Variants in NET1 observed in about 807,000 individuals in gnomAD.
The protein encoded by NET1 is neuroepithelial cell transforming 1, also known as neuroepithelial cell-transforming gene 1 protein.
A neutral mutation model predicts 61.1 loss-of-function variants in NET1; 42 were observed. The ratio of observed to expected loss-of-function variants is 0.69; its 90% confidence interval spans 0.54 to 0.89. The LOEUF (loss-of-function observed/expected upper bound fraction) is 0.89, where lower values mean the gene tolerates loss of function less well. Ranked by LOEUF, NET1 falls within the 40% of genes least tolerant of loss-of-function variation. The pLI is 0.00. For synonymous variants in NET1, 254 were observed against 281.8 expected (o/e 0.90, Z 0.99); for missense variants, 654 against 747.3 (o/e 0.88, Z 1.46).
At chr10:5,430,644 C>T (rs1832333922) in intron 3 of NET1, among the ~76,000 whole-genome samples, 1 of 152,076 alleles carries the variant, frequency 6.6e-6, no homozygotes, top group South Asian at 2.1e-4. Flanking sequence ...GTGTGAGTCA[C>T]CATGCCGGAC....
In NET1 at chr10:5,456,400, T is replaced by C. The variant is rs1250999653; in HGVS notation, c.1384+127T>C. On this transcript the variant is annotated intron_variant, in intron 11 of 11. Coordinates refer to ENST00000355029, the MANE Select transcript of NET1 (RefSeq NM_001047160.3). This position sits in a 1 kb window ranked among gnomAD's most constrained non-coding sequence, Gnocchi z 7.0. ...CCTATACTTGTTACATCCATTGAGT[T>C]GTCCAGGCCTTCCCAGCTCGAACAC... 9.2e-7 allele frequency: 1 copy of C among 1,087,290 alleles called. No homozygotes were observed. The highest frequency in any genetic ancestry group is 1.6e-5 in the African/African-American group (1 of 62,810). 67.4% of individuals were successfully genotyped at this position (1,087,290 alleles called of 1,614,324 possible). A position where few individuals can be genotyped will look rare whatever the true frequency, so the allele number is the denominator to read the frequency against.
At chr10:5,414,221 A>G (rs1344957237) in intron 1 of NET1, among the ~76,000 whole-genome samples, 6 of 152,188 alleles carry the variant, frequency 3.9e-5, no homozygotes, top group Non-Finnish European at 8.8e-5. Context: ...AGATGATGCT[A>G]AAGAGGTAAG....
At position 5,453,696 on chromosome 10, in the gene NET1, A is replaced by G. The variant is rs1832746962; in HGVS notation, c.768+136A>G. ...TAAGGCGTTAAAACTGAACAAATTT[A>G]CAGTGACATAAGAAGTTACAGTCTG... On this transcript the variant is annotated intron_variant, in intron 8 of 11. Transcript: ENST00000355029. The surrounding 1 kb of genome is among the most constrained non-coding windows in gnomAD (Gnocchi z 4.9). 1 of 704,562 alleles carries G rather than the reference A, an allele frequency of 1.4e-6. No individual in the cohort carries two copies. The allele number at this position is 704,562 out of a possible 1,614,324, so 43.6% of individuals were successfully genotyped here.
rs1244734586 is a variant in NET1, at chr10:5,421,893, C to CTT, written c.129-4760_129-4759dup. 6.6e-6 allele frequency among the ~76,000 whole-genome samples: 1 copy of CTT among 152,204 alleles called. No homozygotes were observed. The highest frequency in any genetic ancestry group is 1.5e-5 in the Non-Finnish European group (1 of 68,018). On this transcript the variant is annotated intron_variant, in intron 1 of 11. Transcript: ENST00000355029. This position sits in a 1 kb window ranked among gnomAD's most constrained non-coding sequence, Gnocchi z 4.2. ...TGTGTAGTCTTTCTGCTTCTGCCTT[C>CTT]TTTCACTTACATCAGTATTTCATTT...
rs150671151 is a variant in NET1, at chr10:5,438,771, C to CA, written c.255+9543dup. Among the ~76,000 whole-genome samples the CA allele has an allele frequency of 6.5e-3, 984 of 152,336 alleles. 36 individuals carry two copies. The East Asian group carries it at 0.11, about 16-fold the overall frequency. On this transcript the variant is annotated intron_variant, in intron 3 of 11. Coordinates refer to ENST00000355029, the MANE Select transcript of NET1 (RefSeq NM_001047160.3). ...GTATTATCCTGATAACTAAAGCCAA[C>CA]ACTACAAGAAAAGAAAACTATAGAC...
chr10:5,447,909 C>T lies in NET1; in HGVS notation c.256-3921C>T, dbSNP rs1832642823. 1.3e-5 allele frequency among the ~76,000 whole-genome samples: 2 copies of T among 152,118 alleles called. No individual in the cohort carries two copies. Among genetic ancestry groups the T allele is most frequent in the Non-Finnish European group, 2.9e-5 (2 of 68,030 alleles). On this transcript the variant is annotated intron_variant, in intron 3 of 11. Transcript: ENST00000355029. The surrounding 1 kb of genome is among the most constrained non-coding windows in gnomAD (Gnocchi z 4.1). ...ATCTGTTGGGCCCATAGAAGCTGGC[C>T]TTTGTTTAGTATCAGCATGGGCTGT...
Position 5,438,792 on chromosome 10 carries a change from T to C in NET1, c.255+9563T>C, listed in dbSNP as rs543541181. 2.0e-4 allele frequency among the ~76,000 whole-genome samples: 30 copies of C among 152,308 alleles called. No homozygotes were observed. In the South Asian group the frequency reaches 3.7e-3, roughly 19 times the overall value. On this transcript the variant is annotated intron_variant, in intron 3 of 11. Coordinates refer to ENST00000355029, the MANE Select transcript of NET1 (RefSeq NM_001047160.3). ...CCAACACTACAAGAAAAGAAAACTA[T>C]AGACCAACACCATTTCTCAGCTGCT... is the stretch of plus-strand genomic sequence containing the variant.
intron 2 of NET1, 33 bp from the exon 3 acceptor site, chr10:5,429,137 T>C (rs748275191): frequency 6.8e-7 from 1 of 1,465,782 alleles, no homozygotes; most frequent in South Asian, 1.2e-5. Flanking sequence ...GCATTCCTTT[T>C]ATATGAGAAT....
chr10:5,446,521 A>G lies in NET1; in HGVS notation c.256-5309A>G, dbSNP rs1832611063. ...GCCCAGCTCTCAGTTAACTGAAGTC[A>G]CGTGGTGGTGGACCCCGCCCCCAGG... On this transcript the variant is annotated intron_variant, in intron 3 of 11. Coordinates refer to ENST00000355029, the MANE Select transcript of NET1 (RefSeq NM_001047160.3). This position sits in a 1 kb window ranked among gnomAD's most constrained non-coding sequence, Gnocchi z 5.0. 9.1e-7 allele frequency: 1 copy of G among 1,101,754 alleles called. No individual in the cohort carries two copies. The highest frequency in any genetic ancestry group is 1.1e-6 in the Non-Finnish European group (1 of 902,568). The allele number at this position is 1,101,754 out of a possible 1,614,324, so 68.2% of individuals were successfully genotyped here. A position where few individuals can be genotyped will look rare whatever the true frequency, so the allele number is the denominator to read the frequency against.
chr10:5,456,089 A>G lies in NET1; in HGVS notation c.1200A>G (p.Lys400=), dbSNP rs1363638005. 1.2e-6 allele frequency: 2 copies of G among 1,608,774 alleles called. No individual in the cohort carries two copies. The highest frequency in any genetic ancestry group is 4.5e-5 in the East Asian group (2 of 44,806). The stretch of plus-strand genomic sequence containing the variant: ...GCGTTTGTTTCCCATTTCTCCAGAA[A>G]CTTTACATTTTCCTGTTTCAAGACA... ...HGELRSKSGH[K]LYIFLFQDIL... is the part of the protein sequence containing the mutation. The change falls in exon 11 of 12, where the codon AAA becomes AAG. Residue 400 remains lysine (K), a splice_region_variant and synonymous_variant. Transcript: ENST00000355029. This position sits in a 1 kb window ranked among gnomAD's most constrained non-coding sequence, Gnocchi z 7.0.
In NET1 at chr10:5,454,208, T is replaced by C; in HGVS notation, c.769-57T>C. The C allele has an allele frequency of 6.5e-7, 1 of 1,536,066 alleles. No homozygotes were observed. Among genetic ancestry groups the C allele is most frequent in the Non-Finnish European group, 8.8e-7 (1 of 1,140,414 alleles). On this transcript the variant is annotated intron_variant, in intron 8 of 11. Coordinates refer to ENST00000355029, the MANE Select transcript of NET1 (RefSeq NM_001047160.3). The surrounding 1 kb of genome is among the most constrained non-coding windows in gnomAD (Gnocchi z 8.1). ...TTTGTGTTTCATGTTTGCAGGCTTG[T>C]TAATGCACTCGGTCATAACAGGAAC...
In NET1 at chr10:5,416,051, T is replaced by C. The variant is rs763681180; in HGVS notation, c.128+3231T>C. ...CTTTTATATTTGGGTCTTTAATCCA[T>C]TTTGAGTTAGTTTTTGTATATAATG... On this transcript the variant is annotated intron_variant, in intron 1 of 11. Transcript: ENST00000355029. This position sits in a 1 kb window ranked among gnomAD's most constrained non-coding sequence, Gnocchi z 6.1. 1.3e-5 allele frequency among the ~76,000 whole-genome samples: 2 copies of C among 152,184 alleles called. No individual in the cohort carries two copies. The highest frequency in any genetic ancestry group is 2.9e-5 in the Non-Finnish European group (2 of 68,028).
rs1832066541 is a variant in NET1, at chr10:5,415,497, T to C, written c.128+2677T>C. ...GTCTGTCACCGGGGCTGGAGTACAG[T>C]GGCATGATCTCGGCTCACTGCAACC... On this transcript the variant is annotated intron_variant, in intron 1 of 11. Coordinates refer to ENST00000355029, the MANE Select transcript of NET1 (RefSeq NM_001047160.3). The surrounding 1 kb of genome is among the most constrained non-coding windows in gnomAD (Gnocchi z 4.7). Among the ~76,000 whole-genome samples the C allele has an allele frequency of 6.6e-6, 1 of 150,996 alleles. No individual in the cohort carries two copies. The highest frequency in any genetic ancestry group is 2.4e-5 in the African/African-American group (1 of 41,042).
chr10:5,436,561 A>G (rs1319492051), intron 3 of NET1, among the ~76,000 whole-genome samples: 2 of 151,810 alleles, frequency 1.3e-5, no homozygotes, highest in Admixed American at 6.6e-5. Flanking sequence ...GAGTATTGGT[A>G]TACTCTGCCA....
At chr10:5,430,374 A>C (rs1464740353) in intron 3 of NET1, among the ~76,000 whole-genome samples, 1 of 148,956 alleles carries the variant, frequency 6.7e-6, no homozygotes, top group Admixed American at 6.8e-5. Context: ...CTTAGATAAA[A>C]ACTTTTTTTT....
intron 3 of NET1, among the ~76,000 whole-genome samples, chr10:5,450,585 T>C (rs150570175): frequency 0.011 from 1,643 of 152,262 alleles, 17 homozygotes; most frequent in Non-Finnish European, 0.018. Flanking sequence ...TTCTGTTATT[T>C]TTAAATGATG....
chr10:5,458,648 G>T lies in NET1; in HGVS notation c.*1654G>T, dbSNP rs550433368. Among the ~76,000 whole-genome samples, 2 of 152,272 alleles carry T rather than the reference G, an allele frequency of 1.3e-5. No homozygotes were observed. The highest frequency in any genetic ancestry group is 4.2e-4 in the South Asian group (2 of 4,818). On this transcript the variant is annotated 3_prime_UTR_variant, in exon 12 of 12. Coordinates refer to ENST00000355029, the MANE Select transcript of NET1 (RefSeq NM_001047160.3). This position sits in a 1 kb window ranked among gnomAD's most constrained non-coding sequence, Gnocchi z 4.5. Reference sequence around the variant, plus strand: ...TGTTAGGAAATCTTTTAAGAACATGGTGTAATCAGACACAGCAATTGTATT... The same window carrying T: ...TGTTAGGAAATCTTTTAAGAACATGTTGTAATCAGACACAGCAATTGTATT...
rs1233174834 is a variant in NET1 at position 5,438,872 on chromosome 10, G to A, written c.255+9643G>A. 2.0e-5 allele frequency among the ~76,000 whole-genome samples: 3 copies of A among 152,160 alleles called. No individual in the cohort carries two copies. In the East Asian group the frequency reaches 5.8e-4, roughly 29 times the overall value. On this transcript the variant is annotated intron_variant, in intron 3 of 11. Transcript: ENST00000355029. ...ACTAAACCAGCCTTGGTAAAAGAGC[G>A]CCCCTGCTGCTGGAGCACACTGAAC... is the stretch of plus-strand genomic sequence containing the variant.
chr10:5,449,558 CAACAAAACCCG>C lies in NET1; in HGVS notation c.256-2271_256-2261del, dbSNP rs1240706937. ...TGCTGCCACCCTAAAGAGACCACAT[CAACAAAACCCG>C]TGTTCGTTTCAGAAGTATGCTTTAG... On this transcript the variant is annotated intron_variant, in intron 3 of 11. Coordinates refer to ENST00000355029, the MANE Select transcript of NET1 (RefSeq NM_001047160.3). This position sits in a 1 kb window ranked among gnomAD's most constrained non-coding sequence, Gnocchi z 4.4. 2.0e-5 allele frequency among the ~76,000 whole-genome samples: 3 copies of C among 152,220 alleles called. No individual in the cohort carries two copies. The highest frequency in any genetic ancestry group is 4.4e-5 in the Non-Finnish European group (3 of 68,042).
Sources: gnomAD v4.1 joint callset for allele counts (sites outside exome capture counted in the v4.1 genomes callset) on GRCh38, gnomAD v4.1.1 for gene constraint, Gnocchi (gnomAD v3.1) non-coding constraint, MANE v1.5 for transcripts, NCBI Gene and HGNC (gene_info 2026-07-23, HGNC 2026-07-21) for gene names.